The following CTPS2 variants were observed in gnomAD, a reference collection of about 807,000 sequenced individuals.
CTPS2 encodes the protein CTP synthase II.
A neutral mutation model predicts 46.8 loss-of-function variants in CTPS2; 19 were observed. The ratio of observed to expected loss-of-function variants is 0.41; its 90% CI spans 0.28 to 0.60. CTPS2 has a LOEUF of 0.60. Ranked by LOEUF, CTPS2 falls within the 20% of genes least tolerant of loss-of-function variation. The pLI is 0.35. For missense variants in CTPS2, 286 were observed against 447.6 expected (o/e 0.64, Z 3.26); for synonymous variants, 151 against 165.2 (o/e 0.91, Z 0.66).
intron 10 of CTPS2, among the ~76,000 whole-genome samples, chrX:16,674,558 G>T (rs776924366): frequency 9.0e-6 from 1 of 111,180 alleles, no homozygotes; most frequent in South Asian, 3.8e-4. Context: ...AATTACGCAG[G>T]CCGGGCATGG....
intron 17 of CTPS2, among the ~76,000 whole-genome samples, chrX:16,593,964 G>A (rs989379254): frequency 1.5e-4 from 17 of 111,048 alleles, no homozygotes; most frequent in African/African-American, 5.2e-4. Context: ...CTCCTTCCTC[G>A]TTCTATGCAA....
intron 10 of CTPS2, among the ~76,000 whole-genome samples, chrX:16,671,608 G>A (rs1260062681): frequency 4.0e-5 from 4 of 101,172 alleles, no homozygotes; most frequent in Non-Finnish European, 5.9e-5. Flanking sequence ...TCCACCTCCC[G>A]GGTTCCAGCA....
intron 13 of CTPS2, among the ~76,000 whole-genome samples, chrX:16,653,137 G>A (rs1932728191): frequency 9.1e-6 from 1 of 110,439 alleles, no homozygotes; most frequent in African/African-American, 3.3e-5. Flanking sequence ...AGTCTAATTT[G>A]AAACTGACAA....
chrX:16,695,204 G>A (rs1186189178), intron 4 of CTPS2, among the ~76,000 whole-genome samples: 1 of 111,466 alleles, frequency 9.0e-6, no homozygotes, highest in Non-Finnish European at 1.9e-5. Context: ...GTTTTGATGG[G>A]GATTCTCTGG....
intron 13 of CTPS2, among the ~76,000 whole-genome samples, chrX:16,659,625 C>CAA (rs60810583): frequency 0.062 from 6,241 of 100,028 alleles, 507 homozygotes; most frequent in African/African-American, 0.22. Context: ...CACAGAATGA[C>CAA]AAAAAAAAAA....
intron 14 of CTPS2, among the ~76,000 whole-genome samples, chrX:16,627,438 T>C (rs917938419): frequency 4.5e-5 from 5 of 112,223 alleles, no homozygotes; most frequent in African/African-American, 1.3e-4. Context: ...AGATTTTACA[T>C]AAAACTCCAG....
chrX:16,591,145 A>C (rs1928880311), intron 17 of CTPS2: 1 of 210,769 alleles, frequency 4.7e-6, no homozygotes, highest in Admixed American at 7.0e-5. Flanking sequence ...TGAAATTTAT[A>C]ATCTTCTGAA....
At chrX:16,676,669 T>C (rs1326227326) in intron 10 of CTPS2, among the ~76,000 whole-genome samples, 2 of 111,843 alleles carry the variant, frequency 1.8e-5, no homozygotes, top group South Asian at 3.7e-4. Context: ...TTATGAATTC[T>C]AGTCTTATTG....
chrX:16,607,800 C>A (rs1324019694), intron 17 of CTPS2, among the ~76,000 whole-genome samples: 1 of 112,812 alleles, frequency 8.9e-6, no homozygotes. Context: ...GTGGTAATAA[C>A]CCCTACCAAA....
chrX:16,639,375 C>A, intron 13 of CTPS2, 132 bp from the exon 14 acceptor site: 1 of 528,477 alleles, frequency 1.9e-6, no homozygotes, highest in Non-Finnish European at 3.4e-6. Context: ...TCAGTCTTTC[C>A]AACGATCATG....
At chrX:16,593,690 G>A (rs1299670051) in intron 17 of CTPS2, among the ~76,000 whole-genome samples, 1 of 108,505 alleles carries the variant, frequency 9.2e-6, no homozygotes, top group South Asian at 4.1e-4. Context: ...AGGTGGTGGC[G>A]GGGGTGGGGG....
intron 14 of CTPS2, among the ~76,000 whole-genome samples, chrX:16,634,443 C>G (rs1019370551): frequency 2.7e-5 from 3 of 111,352 alleles, no homozygotes; most frequent in Non-Finnish European, 3.8e-5. Context: ...TAGGAAAAGG[C>G]CTTTGCAGAT....
intron 10 of CTPS2, among the ~76,000 whole-genome samples, chrX:16,676,311 C>T (rs1344126858): frequency 9.0e-6 from 1 of 111,459 alleles, no homozygotes; most frequent in African/African-American, 3.3e-5. Flanking sequence ...GGTTTCTGAC[C>T]TGTGGTAACT....
chrX:16,684,808 G>A (rs758466058), intron 8 of CTPS2, among the ~76,000 whole-genome samples: 3 of 111,393 alleles, frequency 2.7e-5, no homozygotes, highest in Middle Eastern at 9.4e-3. Flanking sequence ...TGCAGGTAAC[G>A]GGCCGGGCGT....
chrX:16,620,807 G>A (rs1930786214), intron 14 of CTPS2, among the ~76,000 whole-genome samples: 1 of 111,924 alleles, frequency 8.9e-6, no homozygotes, highest in Middle Eastern at 4.2e-3. Context: ...CTGGCCCAAT[G>A]CTTTCTCCAC....
At chrX:16,670,495 A>T in intron 11 of CTPS2, 85 bp downstream of exon 11, 1 of 680,316 alleles carries the variant, frequency 1.5e-6, no homozygotes, top group Non-Finnish European at 2.2e-6. Context: ...TCACACCTTT[A>T]CGATAACAAA....
intron 14 of CTPS2, chrX:16,627,204 G>A (rs766552930): frequency 1.3e-4 from 15 of 112,225 alleles, no homozygotes; most frequent in Non-Finnish European, 1.1e-4. Context: ...TCACTTTTAA[G>A]ACTACCTGCA....
Position 16,661,020 on chromosome X carries a change from C to T in CTPS2, c.1296+6494G>A, listed in dbSNP as rs190640205. Among the ~76,000 whole-genome samples, 276 of 108,258 alleles carry T rather than the reference C, an allele frequency of 2.5e-3. 3 individuals carry two copies. The highest frequency in any genetic ancestry group is 0.024 in the Admixed American group (240 of 10,109). 94.0% of individuals were successfully genotyped at this position (108,258 alleles called of 115,157 possible). ...TGTTGCCCAGGCTGGAGTGCAATGG[C>T]GCGATCTTGGCTCACTGCAACCTCC... On this transcript the variant is annotated intron_variant, in intron 13 of 18. Transcript: ENST00000359276.
At chrX:16,611,478 A>G (rs1044710279) in intron 16 of CTPS2, among the ~76,000 whole-genome samples, 1 of 106,461 alleles carries the variant, frequency 9.4e-6, no homozygotes, top group Middle Eastern at 4.3e-3. Context: ...AACAAAAAAA[A>G]CTGCGCATGT....
Sources: allele counts gnomAD v4.1 joint callset (sites outside exome capture counted in the v4.1 genomes callset), GRCh38; gene constraint gnomAD v4.1.1; transcripts MANE v1.5; gene names NCBI Gene and HGNC (gene_info 2026-07-23, HGNC 2026-07-21).